CARS2: variants seen among roughly 807,000 people sequenced by gnomAD.
CARS2 encodes cysteinyl-tRNA synthetase 2, mitochondrial.
In CARS2, 52 loss-of-function variants were observed where a neutral mutation model predicts 68.8. The ratio of observed to expected loss-of-function variants is 0.76; its 90% CI spans 0.61 to 0.95. CARS2 has a LOEUF of 0.95. Among genes scored for constraint, CARS2 ranks in the 40% least tolerant of loss-of-function variants. CARS2 has a pLI of 0.00. For missense variants in CARS2, 780 were observed against 754.2 expected, an observed-to-expected ratio of 1.03 and a Z score of -0.40; for synonymous variants, 314 against 303.6, an observed-to-expected ratio of 1.03 and a Z score of -0.36.
chr13:110,644,090 G>C, intron 13 of CARS2: 1 of 1,315,748 alleles, frequency 7.6e-7, no homozygotes, highest in African/African-American at 1.5e-5. Context: ...TGCACATTCT[G>C]AGAGTCTTTG....
At chr13:110,703,011 T>G (rs1002831134) in intron 2 of CARS2, among the ~76,000 whole-genome samples, 1 of 151,926 alleles carries the variant, frequency 6.6e-6, no homozygotes, top group Non-Finnish European at 1.5e-5. Context: ...AAATCCAAAC[T>G]CTCTGGGCCA....
upstream of CARS2, among the ~76,000 whole-genome samples, chr13:110,709,082 CTT>C (rs113546139): frequency 6.0e-5 from 8 of 134,402 alleles, no homozygotes; most frequent in African/African-American, 8.2e-5. Context: ...TCTCTTTTTT[CTT>C]TTTTTTTTTT....
At chr13:110,654,221 T>A (rs2062302540) in intron 9 of CARS2, among the ~76,000 whole-genome samples, 1 of 152,214 alleles carries the variant, frequency 6.6e-6, no homozygotes, top group Admixed American at 6.5e-5. Context: ...AGAGCCTCTC[T>A]ACTGGGCCAG....
At chr13:110,663,185 A>G (rs778370702) in intron 9 of CARS2, 3 of 580,618 alleles carry the variant, frequency 5.2e-6, no homozygotes, top group Non-Finnish European at 9.5e-6. Context: ...GGCAAGGAAG[A>G]GGGCGCCGGC....
chr13:110,708,496 T>C (rs146149589), upstream of CARS2, among the ~76,000 whole-genome samples: 1 of 152,342 alleles, frequency 6.6e-6, no homozygotes, highest in Non-Finnish European at 1.5e-5. Flanking sequence ...ACTTTTAAAT[T>C]AACAATAGTA....
chr13:110,661,808 G>A (rs2062509514), intron 9 of CARS2, among the ~76,000 whole-genome samples: 1 of 152,144 alleles, frequency 6.6e-6, no homozygotes, highest in Admixed American at 6.5e-5. Flanking sequence ...AGTCCAAGGA[G>A]GGGCAGATTT....
In CARS2 at chr13:110,668,184, A is replaced by AC. The variant is rs1351329979; in HGVS notation, c.786-712dup. Among the ~76,000 whole-genome samples the AC allele has an allele frequency of 3.3e-5, 5 of 152,220 alleles. No homozygotes were observed. The highest frequency in any genetic ancestry group is 7.3e-5 in the Non-Finnish European group (5 of 68,036). ...CCCTGTGCTCGGGGAAGCACTGCACACGGAGGTCTCGAGCCTGGGGAAACA... is the reference window on the plus strand; with the variant it reads ...CCCTGTGCTCGGGGAAGCACTGCACACCGGAGGTCTCGAGCCTGGGGAAACA... On this transcript the variant is annotated intron_variant, in intron 7 of 14. Transcript: ENST00000257347. This position sits in a 1 kb window ranked among gnomAD's most constrained non-coding sequence, Gnocchi z 4.1.
intron 5 of CARS2, among the ~76,000 whole-genome samples, chr13:110,686,732 C>T (rs916008700): frequency 6.6e-6 from 1 of 151,002 alleles, no homozygotes; most frequent in Non-Finnish European, 1.5e-5. Flanking sequence ...GATTTTTTGT[C>T]ATCTTAGTAG....
chr13:110,650,184 G>C (rs2062167991), intron 10 of CARS2: 2 of 152,134 alleles, frequency 1.3e-5, no homozygotes, highest in Admixed American at 1.3e-4. Flanking sequence ...TGCAGCCTCT[G>C]CCTCCCAGGT....
Position 110,692,837 on chromosome 13 carries a change from C to T in CARS2, c.394-4819G>A, listed in dbSNP as rs141071554. 2.4e-3 allele frequency among the ~76,000 whole-genome samples: 358 copies of T among 151,902 alleles called. 3 individuals are homozygous for T. The highest frequency in any genetic ancestry group is 8.2e-3 in the African/African-American group (340 of 41,460). ...TCAAAAAAGGAATTAATTGGCTGGG[C>T]GCTGTGGCTCACATCTGTAATGCCA... On this transcript the variant is annotated intron_variant, in intron 3 of 14. Coordinates refer to ENST00000257347, the MANE Select transcript of CARS2 (RefSeq NM_024537.4).
chr13:110,664,313 G>C (rs956131092), intron 8 of CARS2: 3 of 533,522 alleles, frequency 5.6e-6, no homozygotes, highest in Non-Finnish European at 7.2e-6. Flanking sequence ...TTGGAGACCA[G>C]TCTGGGCAAC....
intron 10 of CARS2, chr13:110,648,807 T>C (rs1442115531): frequency 6.6e-6 from 1 of 152,188 alleles, no homozygotes; most frequent in Admixed American, 6.5e-5. Flanking sequence ...AAACTTCGTA[T>C]TCAAAGCTCA....
At chr13:110,688,284 T>C (rs1359753881) in intron 3 of CARS2, among the ~76,000 whole-genome samples, 2 of 152,088 alleles carry the variant, frequency 1.3e-5, no homozygotes, top group Non-Finnish European at 2.9e-5. Context: ...ATTTCCATTA[T>C]ATAGTAAAAA....
chr13:110,647,324 G>A lies in CARS2; in HGVS notation c.1055-85C>T, dbSNP rs190393734. ...CCAGCAGAATCAGTGTTTTCTGAGG[G>A]CACTGCCACCCAGGGACCACACGGA... On this transcript the variant is annotated intron_variant, in intron 10 of 14. Transcript: ENST00000257347. 24 of 1,503,610 alleles carry A rather than the reference G, an allele frequency of 1.6e-5. No individual in the cohort carries two copies. In the East Asian group the frequency reaches 5.1e-4, roughly 32 times the overall value. The allele number at this position is 1,503,610 out of a possible 1,614,324, so 93.1% of individuals were successfully genotyped here.
chr13:110,681,841 G>C (rs2063165375), intron 6 of CARS2, among the ~76,000 whole-genome samples: 1 of 152,200 alleles, frequency 6.6e-6, no homozygotes, highest in Non-Finnish European at 1.5e-5. Context: ...CACAGTGTAT[G>C]ACTCCAACTA....
At chr13:110,702,632 C>T (rs2063821572) in intron 2 of CARS2, among the ~76,000 whole-genome samples, 1 of 152,212 alleles carries the variant, frequency 6.6e-6, no homozygotes, top group African/African-American at 2.4e-5. Flanking sequence ...AGGCTGAGTC[C>T]CGGAACTGCC....
Position 110,705,637 on chromosome 13 carries a change from T to A in CARS2, c.225-66A>T. The stretch of plus-strand genomic sequence containing the variant: ...CAAGAAAGGACATTCGATTCTGAGT[T>A]ATAATGATCATATAATTTTTAAAGT... On this transcript the variant is annotated intron_variant, in intron 1 of 14. Transcript: ENST00000257347. This position sits in a 1 kb window ranked among gnomAD's most constrained non-coding sequence, Gnocchi z 4.0. The A allele has an allele frequency of 6.6e-7, 1 of 1,517,864 alleles. No homozygotes were observed. 94.0% of individuals were successfully genotyped at this position (1,517,864 alleles called of 1,614,324 possible).
intron 9 of CARS2, among the ~76,000 whole-genome samples, chr13:110,662,411 C>T (rs758736274): frequency 7.2e-5 from 11 of 152,188 alleles, no homozygotes; most frequent in Non-Finnish European, 1.5e-4. Context: ...ACCCCCTCTG[C>T]GTCATGCAAC....
At chr13:110,657,811 T>G (rs1030623722) in intron 9 of CARS2, among the ~76,000 whole-genome samples, 9 of 152,172 alleles carry the variant, frequency 5.9e-5, no homozygotes, top group Non-Finnish European at 1.2e-4. Flanking sequence ...GAAAATAAAC[T>G]CTGCAGTAGA....
Sources: allele counts gnomAD v4.1 joint callset (sites outside exome capture counted in the v4.1 genomes callset), GRCh38; gene constraint gnomAD v4.1.1; non-coding constraint Gnocchi (gnomAD v3.1); transcripts MANE v1.5; gene names NCBI Gene and HGNC (gene_info 2026-07-23, HGNC 2026-07-21).